TAF5L: variants seen among roughly 807,000 people sequenced by gnomAD.
The protein encoded by TAF5L is TAF5-like RNA polymerase II p300/CBP-associated factor-associated factor 65 kDa subunit 5L.
TAF5L carries 7 observed loss-of-function variants against 51.3 expected under a neutral mutation model. That is an observed-to-expected ratio of 0.14 (90% CI 0.08 to 0.26). The LOEUF is 0.26. Ranked by LOEUF, TAF5L falls within the 10% of genes least tolerant of loss-of-function variation. The pLI is 1.00. For missense variants in TAF5L, 575 were observed against 758.9 expected (o/e 0.76, Z 2.85); for synonymous variants, 291 against 308.1 (o/e 0.94, Z 0.58).
rs775570458 is a variant in TAF5L, at chr1:229,625,471, C to T, written c.-4+414G>A. 2.4e-4 allele frequency among the ~76,000 whole-genome samples: 37 copies of T among 152,182 alleles called. No individual in the cohort carries two copies. The highest frequency in any genetic ancestry group is 4.9e-4 in the Non-Finnish European group (33 of 68,026). On this transcript the variant is annotated intron_variant, in intron 1 of 4. Transcript: ENST00000258281. The surrounding 1 kb of genome is among the most constrained non-coding windows in gnomAD (Gnocchi z 4.0). ...CCCGACTTCGCCGCAAAGACATTTC[C>T]TTTTCCCCTACATGCAAAGGAGCTG... is the stretch of plus-strand genomic sequence containing the variant.
Position 229,594,124 on chromosome 1 carries a change from T to C in TAF5L, c.*173A>G, listed in dbSNP as rs1664022334. The C allele has an allele frequency of 7.2e-6, 5 of 698,410 alleles. No individual in the cohort carries two copies. The highest frequency in any genetic ancestry group is 3.9e-5 in the South Asian group (2 of 51,550). The allele number at this position is 698,410 out of a possible 1,614,324, so 43.3% of individuals were successfully genotyped here. ...CTCTCTCCTGTTCCCCTCCCCAACC[T>C]TGGCCTTCGACACTGGGGGGCTGAG... On this transcript the variant is annotated 3_prime_UTR_variant, in exon 5 of 5. Coordinates refer to ENST00000258281, the Ensembl canonical transcript of TAF5L. This position sits in a 1 kb window ranked among gnomAD's most constrained non-coding sequence, Gnocchi z 7.9.
At chr1:229,616,966 G>A (rs535639815) in intron 1 of TAF5L, among the ~76,000 whole-genome samples, 164 of 152,272 alleles carry the variant, frequency 1.1e-3, no homozygotes, top group South Asian at 4.6e-3. Context: ...GTGACATAAT[G>A]AAACACAATA....
intron 4 of TAF5L, chr1:229,600,339 G>C (rs1181701824): frequency 2.0e-6 from 2 of 985,186 alleles, no homozygotes; most frequent in South Asian, 4.7e-5. Flanking sequence ...TCTTAAAAAG[G>C]GCAGAGGTTA....
At chr1:229,615,829 T>C (rs1463114961) in intron 1 of TAF5L, among the ~76,000 whole-genome samples, 9 of 152,224 alleles carry the variant, frequency 5.9e-5, no homozygotes. Context: ...GTGTCCATTT[T>C]GGAATGCATT....
intron 4 of TAF5L, chr1:229,599,366 G>T: frequency 3.9e-6 from 1 of 257,234 alleles, no homozygotes. Context: ...ACAGAGTTGT[G>T]CAATGATCAC....
chr1:229,593,923 C>A, exon 5 of TAF5L: 1 of 207,308 alleles, frequency 4.8e-6, no homozygotes, highest in South Asian at 8.6e-5. Context: ...GTGACCCCTG[C>A]GGCGCCACTT....
intron 3 of TAF5L, among the ~76,000 whole-genome samples, chr1:229,603,155 AG>A (rs2102746363): frequency 6.6e-6 from 1 of 152,320 alleles, no homozygotes; most frequent in South Asian, 2.1e-4. Flanking sequence ...GGCACAACGC[AG>A]GAACTTAATG....
intron 1 of TAF5L, among the ~76,000 whole-genome samples, chr1:229,621,910 A>G (rs1665213812): frequency 1.3e-5 from 2 of 152,132 alleles, no homozygotes; most frequent in Non-Finnish European, 2.9e-5. Context: ...CCCATCTACT[A>G]AATCAGTTAC....
At chr1:229,593,923 C>T (rs1317904161) in exon 5 of TAF5L, 4 of 207,194 alleles carry the variant, frequency 1.9e-5, no homozygotes, top group Non-Finnish European at 3.9e-5. Context: ...GTGACCCCTG[C>T]GGCGCCACTT....
intron 1 of TAF5L, among the ~76,000 whole-genome samples, chr1:229,615,334 G>A (rs1014282026): frequency 4.6e-5 from 7 of 152,112 alleles, no homozygotes; most frequent in Admixed American, 1.3e-4. Context: ...TGATCTGCCC[G>A]GCTTGGCCTC....
chr1:229,617,060 T>C (rs1165957258), intron 1 of TAF5L, among the ~76,000 whole-genome samples: 1 of 152,216 alleles, frequency 6.6e-6, no homozygotes. Flanking sequence ...ACTGTATTGA[T>C]GACTTAGGTT....
chr1:229,617,075 T>G (rs1665030227), intron 1 of TAF5L, among the ~76,000 whole-genome samples: 2 of 152,306 alleles, frequency 1.3e-5, no homozygotes, highest in South Asian at 4.1e-4. Flanking sequence ...TAGGTTACTT[T>G]TTAATTAAGC....
chr1:229,599,870 G>A, intron 4 of TAF5L: 1 of 985,428 alleles, frequency 1.0e-6, no homozygotes, highest in South Asian at 4.7e-5. Context: ...TTATGTAATA[G>A]TTATTGCTTC....
Position 229,594,773 on chromosome 1 carries a change from C to T in TAF5L, c.1294G>A (p.Val432Ile), listed in dbSNP as rs1664054861. The T allele has an allele frequency of 6.2e-7, 1 of 1,614,114 alleles. No individual in the cohort carries two copies. Among genetic ancestry groups the T allele is most frequent in the Non-Finnish European group, 8.5e-7 (1 of 1,180,060 alleles). Residue 432 changes from valine (V) to isoleucine (I), a missense_variant, in exon 5 of 5, where the codon GTC becomes ATC. Around this residue, in one of 3 missense-constraint regions of TAF5L, gnomAD observed 104 missense variants for 218.3 expected, o/e 0.48. Transcript: ENST00000258281. This position sits in a 1 kb window ranked among gnomAD's most constrained non-coding sequence, Gnocchi z 7.9. ...TAGTTTGAATTAGGGTGGAATTTGA[C>T]ACAGTCCACATCTGCCAGGTGTCCT...
Position 229,602,211 on chromosome 1 carries a change from T to C in TAF5L, c.956A>G (p.Asp319Gly). The change falls in exon 4 of 5, where the codon GAT becomes GGT. Residue 319 changes from aspartate to glycine, a missense_variant. Transcript: ENST00000258281. The surrounding 1 kb of genome is among the most constrained non-coding windows in gnomAD (Gnocchi z 4.6). ...TATTCATACCTCCTCCTCCAGAATATCACAAGCCAAATGGATGCGGGACAC... is the reference window on the plus strand; with the variant it reads ...TATTCATACCTCCTCCTCCAGAATACCACAAGCCAAATGGATGCGGGACAC... 1.2e-6 allele frequency: 2 copies of C among 1,613,448 alleles called. No homozygotes were observed. Among genetic ancestry groups the C allele is most frequent in the Non-Finnish European group, 8.5e-7 (1 of 1,179,542 alleles).
chr1:229,602,005 A>C lies in TAF5L; in HGVS notation c.972+190T>G, dbSNP rs1664394254. The C allele has an allele frequency of 7.0e-7, 1 of 1,420,664 alleles. No individual in the cohort carries two copies. Among genetic ancestry groups the C allele is most frequent in the Admixed American group, 2.9e-5 (1 of 33,946 alleles). 88.0% of individuals were successfully genotyped at this position (1,420,664 alleles called of 1,614,324 possible). Reference sequence around the variant, plus strand: ...ATTAATAAGAAGTTAATGCTGCTAAAAATTGTTTTTGCATCTTAGGTTAGG... The same window carrying C: ...ATTAATAAGAAGTTAATGCTGCTAACAATTGTTTTTGCATCTTAGGTTAGG... On this transcript the variant is annotated intron_variant, in intron 4 of 4. Transcript: ENST00000258281. This position sits in a 1 kb window ranked among gnomAD's most constrained non-coding sequence, Gnocchi z 4.6.
Position 229,625,006 on chromosome 1 carries a change from C to T in TAF5L, c.-4+879G>A, listed in dbSNP as rs1665382065. On this transcript the variant is annotated intron_variant, in intron 1 of 4. Coordinates refer to ENST00000258281, the Ensembl canonical transcript of TAF5L. This position sits in a 1 kb window ranked among gnomAD's most constrained non-coding sequence, Gnocchi z 4.0. Reference sequence around the variant, plus strand: ...ATTCCGAGATTCCAATCTGCAAGGTCAGTTTAGGTACAGTAATTTAAGACA... The same window carrying T: ...ATTCCGAGATTCCAATCTGCAAGGTTAGTTTAGGTACAGTAATTTAAGACA... 6.6e-6 allele frequency among the ~76,000 whole-genome samples: 1 copy of T among 152,192 alleles called. No homozygotes were observed. The highest frequency in any genetic ancestry group is 1.5e-5 in the Non-Finnish European group (1 of 68,032).
In TAF5L at chr1:229,602,422, C is replaced by T. The variant is rs762855823; in HGVS notation, c.745G>A (p.Val249Ile). ...GTGAGGGAGGGAGGCCCATCCTTGA[C>T]TCGCTTAATGCTCTCCTGTAAGACC... Residue 249 changes from valine (V) to isoleucine (I), a missense_variant, in exon 4 of 5, where the codon GTC becomes ATC. This residue lies in a region of TAF5L where 380 missense variants were observed against 443.7 expected (regional missense o/e 0.86). Coordinates refer to ENST00000258281, the Ensembl canonical transcript of TAF5L. This position sits in a 1 kb window ranked among gnomAD's most constrained non-coding sequence, Gnocchi z 4.6. 32 of 1,614,024 alleles carry T rather than the reference C, an allele frequency of 2.0e-5. No homozygotes were observed. The East Asian group carries it at 4.0e-4, about 20-fold the overall frequency.
chr1:229,614,045 G>A, intron 2 of TAF5L: 1 of 606,186 alleles, frequency 1.6e-6, no homozygotes, highest in Non-Finnish European at 2.9e-6. Context: ...TTTACAGAAG[G>A]AAAAAGTTGC....
Sources: allele counts gnomAD v4.1 joint callset (sites outside exome capture counted in the v4.1 genomes callset), GRCh38; gene constraint gnomAD v4.1.1; regional missense constraint gnomAD v4.1.1; non-coding constraint Gnocchi (gnomAD v3.1); transcripts MANE v1.5; gene names NCBI Gene and HGNC (gene_info 2026-07-23, HGNC 2026-07-21).